BMP4: variants seen among roughly 807,000 people sequenced by gnomAD.
The protein encoded by BMP4 is bone morphogenetic protein 4, also known as bone morphogenetic protein 2B.
In BMP4, 3 loss-of-function variants were observed where a neutral mutation model predicts 29.6. The observed-to-expected ratio is 0.10, with a 90% CI of 0.05 to 0.26. The LOEUF (loss-of-function observed/expected upper bound fraction) is 0.26. Ranked by LOEUF, BMP4 falls within the 10% of genes least tolerant of loss-of-function variation. BMP4 has a pLI of 1.00. For synonymous variants in BMP4, 197 were observed against 213.2 expected (o/e 0.92, Z 0.66); for missense variants, 455 against 550.2 (o/e 0.83, Z 1.73).
At position 53,950,493 on chromosome 14, in the gene BMP4, G is replaced by C; in HGVS notation, c.766C>G (p.Arg256Gly). 1 of 1,614,154 alleles carries C rather than the reference G, an allele frequency of 6.2e-7. No individual in the cohort carries two copies. Among genetic ancestry groups the C allele is most frequent in the Non-Finnish European group, 8.5e-7 (1 of 1,180,042 alleles). The change falls in exon 4 of 4, where the codon CGA becomes GGA. Residue 256 changes from arginine (R) to glycine (G), a missense_variant. Physicochemically the swap from Arg to Gly is moderately radical, Grantham distance 125 (BLOSUM62 -2). This residue lies in a region of BMP4 where 154 missense variants were observed against 156.8 expected (regional missense o/e 0.98). Coordinates refer to ENST00000245451, the MANE Select transcript of BMP4 (RefSeq NM_001202.6). The surrounding 1 kb of genome is among the most constrained non-coding windows in gnomAD (Gnocchi z 5.4). Reference protein sequence around the residue: ...THQGQHVRISRSLPQGSGNWA... With the variant: ...THQGQHVRISGSLPQGSGNWA... ...TTCCCACTCCCTTGAGGTAACGATC[G>C]GCTAATCCTGACATGCTGGCCCTGG...
At chr14:53,953,853 G>T (rs1476635752) in intron 1 of BMP4, among the ~76,000 whole-genome samples, 1 of 147,966 alleles carries the variant, frequency 6.8e-6, no homozygotes, top group East Asian at 2.0e-4. Context: ...AGTCTCACCC[G>T]CCCAAAGCCT....
At position 53,950,928 on chromosome 14, in the gene BMP4, A is replaced by G; in HGVS notation, c.371-40T>C. ...GAAGGAAGGGGAAAAGAAAAAGCATATGAACTTTTTTCAAAGATGGAAGAG... is the reference window on the plus strand; with the variant it reads ...GAAGGAAGGGGAAAAGAAAAAGCATGTGAACTTTTTTCAAAGATGGAAGAG... On this transcript the variant is annotated intron_variant, in intron 3 of 3. Coordinates refer to ENST00000245451, the MANE Select transcript of BMP4 (RefSeq NM_001202.6). The surrounding 1 kb of genome is among the most constrained non-coding windows in gnomAD (Gnocchi z 5.4). 6.3e-7 allele frequency: 1 copy of G among 1,598,390 alleles called. No homozygotes were observed. Among genetic ancestry groups the G allele is most frequent in the Non-Finnish European group, 8.5e-7 (1 of 1,179,754 alleles).
chr14:53,954,325 AG>A lies in BMP4; in HGVS notation c.-132-926del, dbSNP rs1161692642. 1 of 152,160 alleles carries A rather than the reference AG, an allele frequency of 6.6e-6. No individual in the cohort carries two copies. The highest frequency in any genetic ancestry group is 1.5e-5 in the Non-Finnish European group (1 of 68,058). 9.4% of individuals were successfully genotyped at this position (152,160 alleles called of 1,614,324 possible). On this transcript the variant is annotated intron_variant, in intron 1 of 3. Transcript: ENST00000245451. The surrounding 1 kb of genome is among the most constrained non-coding windows in gnomAD (Gnocchi z 4.8). ...CTCGAAGCTCCGGGCAGATTCAGAA[AG>A]AGGCGTCGCTGCAGAAAGGACGCAT... is the stretch of plus-strand genomic sequence containing the variant.
intron 2 of BMP4, 93 bp from the exon 3 acceptor site, chr14:53,952,322 T>C: frequency 6.9e-7 from 1 of 1,456,306 alleles, no homozygotes; most frequent in Non-Finnish European, 9.3e-7. Context: ...CATTTAGGGC[T>C]AGAAATGGAG....
intron 3 of BMP4, 43 bp downstream of exon 3, chr14:53,951,796 GCCCCTCTAGCCAGT>G: frequency 6.3e-7 from 1 of 1,581,234 alleles, no homozygotes; most frequent in Non-Finnish European, 8.5e-7. Flanking sequence ...GGCTTTCACT[GCCCCTCTAGCCAGT>G]CCCACCAGCC....
chr14:53,949,966 G>T lies in BMP4; in HGVS notation c.*66C>A. ...TGTGGGTGAGTGGATGGGAACGTGT[G>T]TGTGTGGTGTATGTGGTGTGTGTGT... On this transcript the variant is annotated 3_prime_UTR_variant, in exon 4 of 4. Coordinates refer to ENST00000245451, the MANE Select transcript of BMP4 (RefSeq NM_001202.6). The T allele has an allele frequency of 6.4e-7, 1 of 1,563,382 alleles. No individual in the cohort carries two copies. The highest frequency in any genetic ancestry group is 8.8e-7 in the Non-Finnish European group (1 of 1,141,264).
intron 2 of BMP4, 112 bp downstream of exon 2, chr14:53,953,164 G>A (rs1202869715): frequency 5.1e-6 from 2 of 389,940 alleles, no homozygotes; most frequent in East Asian, 7.2e-5. Flanking sequence ...TGCTGCCAGG[G>A]AGCAGAGTGT....
Position 53,950,559 on chromosome 14 carries a change from G to C in BMP4, c.700C>G (p.Leu234Val), listed in dbSNP as rs1329613424. ...TGGAGGTGAGTCACCTCAATGGCTA[G>C]CCCATAGTTTGGCTGCTTCTCCCGG... ...WTREKQPNYG[L>V]AIEVTHLHQT... Residue 234 changes from leucine (L) to valine (V), a missense_variant, in exon 4 of 4, where the codon CTA becomes GTA. Leu to Val is a conservative substitution (Grantham distance 32, BLOSUM62 1). Transcript: ENST00000245451. The surrounding 1 kb of genome is among the most constrained non-coding windows in gnomAD (Gnocchi z 5.4). The C allele has an allele frequency of 6.2e-7, 1 of 1,614,098 alleles. No individual in the cohort carries two copies. The highest frequency in any genetic ancestry group is 1.3e-5 in the African/African-American group (1 of 74,940).
Position 53,956,583 on chromosome 14 carries a change from C to T in BMP4, c.-166G>A. On this transcript the variant is annotated 5_prime_UTR_variant, in exon 1 of 4. Transcript: ENST00000245451. ...CCTGCAGTAGCGGGCTCGCCAGCAG[C>T]AGCTCCTGGGGACCTCTGAACGGTT... 2.5e-6 allele frequency: 1 copy of T among 399,334 alleles called. No individual in the cohort carries two copies. The highest frequency in any genetic ancestry group is 3.6e-5 in the East Asian group (1 of 28,062). 24.7% of individuals were successfully genotyped at this position (399,334 alleles called of 1,614,324 possible).
Position 53,950,764 on chromosome 14 carries a change from C to T in BMP4, c.495G>A (p.Val165=), listed in dbSNP as rs1230556426. The T allele has an allele frequency of 1.2e-6, 2 of 1,613,774 alleles. No homozygotes were observed. The highest frequency in any genetic ancestry group is 1.7e-6 in the Non-Finnish European group (2 of 1,179,992). ...CCCTTTCCCAATCAGGGCCCTGGTC[C>T]ACCTGCTCCCGGAAGAGCCGAAGCT... ...SAELRLFREQ[V]DQGPDWERGF... The change falls in exon 4 of 4, where the codon GTG becomes GTA. Residue 165 remains valine, a synonymous_variant. Coordinates refer to ENST00000245451, the MANE Select transcript of BMP4 (RefSeq NM_001202.6). This position sits in a 1 kb window ranked among gnomAD's most constrained non-coding sequence, Gnocchi z 5.4.
In BMP4 at chr14:53,950,689, C is replaced by T. The variant is rs1186337752; in HGVS notation, c.570G>A (p.Val190=). The T allele has an allele frequency of 6.2e-7, 1 of 1,614,250 alleles. No homozygotes were observed. Among genetic ancestry groups the T allele is most frequent in the Non-Finnish European group, 8.5e-7 (1 of 1,180,056 alleles). Residue 190 remains valine (V), a synonymous_variant, in exon 4 of 4, where the codon GTG becomes GTA. Transcript: ENST00000245451. The surrounding 1 kb of genome is among the most constrained non-coding windows in gnomAD (Gnocchi z 5.4). ...IYEVMKPPAE[V]VPGHLITRLL... ...GTCGTGTGATGAGGTGCCCAGGCAC[C>T]ACTTCTGCTGGGGGCTTCATAACCT...
chr14:53,952,071 T>C lies in BMP4; in HGVS notation c.152A>G (p.His51Arg). 4 of 1,614,198 alleles carry C rather than the reference T, an allele frequency of 2.5e-6. No individual in the cohort carries two copies. Among genetic ancestry groups the C allele is most frequent in the Non-Finnish European group, 3.4e-6 (4 of 1,180,032 alleles). Residue 51 changes from histidine (H) to arginine (R), a missense_variant, in exon 3 of 4, where the codon CAT becomes CGT. By Grantham distance (29) the His-to-Arg change is conservative (BLOSUM62 0). Around this residue, in one of 4 missense-constraint regions of BMP4, gnomAD observed 249 missense variants for 284.6 expected, o/e 0.87. Coordinates refer to ENST00000245451, the MANE Select transcript of BMP4 (RefSeq NM_001202.6). ...CGCCTCGAAGTCCCGCAGGAGCTCA[T>C]GGCTCTGCCCTGAGCGGCGTCCTCC... ...HAGGRRSGQS[H>R]ELLRDFEATL...
chr14:53,951,385 T>A (rs752932083), intron 3 of BMP4: 7 of 210,834 alleles, frequency 3.3e-5, no homozygotes, highest in Non-Finnish European at 6.7e-5. Context: ...TTGTTGATCA[T>A]GTTACAGAGG....
chr14:53,950,284 C>A lies in BMP4; in HGVS notation c.975G>T (p.Trp325Cys). ...CCTGGTAGCCTGGTGGGGCCACAAT[C>A]CAGTCATTCCAGCCCACATCGCTGA... is the stretch of plus-strand genomic sequence containing the variant. ...VDFSDVGWND[W>C]IVAPPGYQAF... is the part of the protein sequence containing the mutation. The change falls in exon 4 of 4, where the codon TGG becomes TGT. Residue 325 changes from tryptophan to cysteine, a missense_variant. Coordinates refer to ENST00000245451, the MANE Select transcript of BMP4 (RefSeq NM_001202.6). This position sits in a 1 kb window ranked among gnomAD's most constrained non-coding sequence, Gnocchi z 5.4. 6.2e-7 allele frequency: 1 copy of A among 1,614,224 alleles called. No homozygotes were observed. Among genetic ancestry groups the A allele is most frequent in the Non-Finnish European group, 8.5e-7 (1 of 1,180,036 alleles).
chr14:53,952,666 C>G (rs149451049), intron 2 of BMP4, among the ~76,000 whole-genome samples: 22 of 152,242 alleles, frequency 1.4e-4, no homozygotes, highest in African/African-American at 5.1e-4. Flanking sequence ...TTTTCCTCCA[C>G]CCTCAGAGCC....
At chr14:53,953,778 C>T (rs1331050675) in intron 1 of BMP4, among the ~76,000 whole-genome samples, 1 of 151,938 alleles carries the variant, frequency 6.6e-6, no homozygotes, top group African/African-American at 2.4e-5. Flanking sequence ...ATTTGGGGCG[C>T]ACTGAAGGGA....
intron 3 of BMP4, chr14:53,951,355 T>C (rs1349458566): frequency 9.5e-6 from 2 of 210,132 alleles, no homozygotes; most frequent in African/African-American, 2.3e-5. Flanking sequence ...CCCAGCGATC[T>C]TGGAAACACA....
chr14:53,951,782 C>T (rs2140237229), intron 3 of BMP4, 71 bp downstream of exon 3: 3 of 1,571,108 alleles, frequency 1.9e-6, no homozygotes, highest in Non-Finnish European at 8.6e-7. Flanking sequence ...CTCTTCTTCC[C>T]CAGGGCTTTC....
At chr14:53,956,473 T>C (rs1486740286) in intron 1 of BMP4, 77 bp downstream of exon 1, 3 of 399,192 alleles carry the variant, frequency 7.5e-6, no homozygotes, top group Non-Finnish European at 1.3e-5. Flanking sequence ...GGTCACAGCC[T>C]GTGACCAGCT....
Sources: allele counts gnomAD v4.1 joint callset (sites outside exome capture counted in the v4.1 genomes callset), GRCh38; gene constraint gnomAD v4.1.1; regional missense constraint gnomAD v4.1.1; non-coding constraint Gnocchi (gnomAD v3.1); transcripts MANE v1.5; gene names NCBI Gene and HGNC (gene_info 2026-07-23, HGNC 2026-07-21).